The following BMPR1B variants were observed in gnomAD, a reference collection of about 807,000 sequenced individuals.
BMPR1B encodes the protein bone morphogenetic protein receptor type-1B.
Under a neutral mutation model 59.1 loss-of-function variants are expected in BMPR1B, and 12 were observed. The observed-to-expected ratio is 0.20, with a 90% CI of 0.13 to 0.33. The LOEUF is 0.33. Ranked by LOEUF, BMPR1B falls within the 10% of genes least tolerant of loss-of-function variation. BMPR1B has a pLI of 1.00. For missense variants in BMPR1B, 550 were observed against 610.9 expected, an observed-to-expected ratio of 0.90 and a Z score of 1.05; for synonymous variants, 237 against 207.3, an observed-to-expected ratio of 1.14 and a Z score of -1.23.
chr4:95,040,282 C>T lies in BMPR1B; in HGVS notation c.-18+44148C>T, dbSNP rs1350757957. Reference sequence around the variant, plus strand: ...TGGAGAAACAGCTTAAGCAAACATTCTTTAAGGGTTTAGATAAGAGTGATA... The same window carrying T: ...TGGAGAAACAGCTTAAGCAAACATTTTTTAAGGGTTTAGATAAGAGTGATA... On this transcript the variant is annotated intron_variant, in intron 3 of 12. Coordinates refer to ENST00000515059, the MANE Select transcript of BMPR1B (RefSeq NM_001203.3). Among the ~76,000 whole-genome samples the T allele has an allele frequency of 2.6e-5, 4 of 152,116 alleles. No homozygotes were observed. The South Asian group carries it at 8.3e-4, about 32-fold the overall frequency.
intron 1 of BMPR1B, among the ~76,000 whole-genome samples, chr4:94,788,288 A>G (rs1303483272): frequency 2.6e-5 from 4 of 152,190 alleles, no homozygotes; most frequent in African/African-American, 9.6e-5. Flanking sequence ...AAGCATTGGT[A>G]GACCAATGAA....
At chr4:95,124,801 G>T (rs543170730) in intron 7 of BMPR1B, among the ~76,000 whole-genome samples, 182 bp from the exon 8 acceptor site, 3 of 152,136 alleles carry the variant, frequency 2.0e-5, no homozygotes, top group African/African-American at 4.8e-5. Flanking sequence ...TAAAAAATAG[G>T]TTAGCCAAAC....
At chr4:94,968,140 C>T (rs536148695) in intron 2 of BMPR1B, among the ~76,000 whole-genome samples, 9 of 152,248 alleles carry the variant, frequency 5.9e-5, no homozygotes, top group African/African-American at 2.2e-4. Context: ...TCTCTCCAGA[C>T]ATCATTACTT....
At chr4:95,069,725 C>T (rs1728131907) in intron 3 of BMPR1B, among the ~76,000 whole-genome samples, 1 of 152,086 alleles carries the variant, frequency 6.6e-6, no homozygotes. Context: ...CTGCTATGTC[C>T]TTGGGCCTAG....
At chr4:94,766,243 AT>A (rs1343322777) in intron 1 of BMPR1B, among the ~76,000 whole-genome samples, 6 of 152,026 alleles carry the variant, frequency 3.9e-5, no homozygotes, top group Non-Finnish European at 5.9e-5. Context: ...TGTGTATATC[AT>A]TGGATTTATG....
chr4:94,963,967 T>C (rs1300155226), intron 2 of BMPR1B, among the ~76,000 whole-genome samples: 1 of 152,152 alleles, frequency 6.6e-6, no homozygotes, highest in East Asian at 1.9e-4. Context: ...TCCATGAACA[T>C]GGAATATCTT....
At chr4:95,006,388 A>T (rs1722833868) in intron 3 of BMPR1B, among the ~76,000 whole-genome samples, 1 of 151,490 alleles carries the variant, frequency 6.6e-6, no homozygotes, top group Non-Finnish European at 1.5e-5. Context: ...AAAAAAAAAA[A>T]AAGTTTTATT....
intron 3 of BMPR1B, among the ~76,000 whole-genome samples, chr4:95,083,037 CAAAAAAAAAAAA>C (rs1171888403): frequency 3.3e-5 from 2 of 60,642 alleles, no homozygotes; most frequent in African/African-American, 1.4e-4. Flanking sequence ...TACTCTGTCT[CAAAAAAAAAAAA>C]AAAAAAAAAA....
chr4:94,867,600 TTC>T (rs1192418275), intron 1 of BMPR1B, among the ~76,000 whole-genome samples: 1 of 152,188 alleles, frequency 6.6e-6, no homozygotes, highest in African/African-American at 2.4e-5. Flanking sequence ...CTAATTTTGA[TTC>T]TCTCTGTTTT....
chr4:94,991,405 CT>C (rs1430706505), intron 2 of BMPR1B, among the ~76,000 whole-genome samples: 8 of 152,282 alleles, frequency 5.3e-5, no homozygotes, highest in African/African-American at 1.9e-4. Flanking sequence ...AGTTTAGGGA[CT>C]TGAAGTCTAT....
intron 3 of BMPR1B, among the ~76,000 whole-genome samples, chr4:95,032,247 CTG>C (rs1724920591): frequency 6.6e-6 from 1 of 151,980 alleles, no homozygotes. Context: ...CCTCACATGA[CTG>C]GGGGAGAGAG....
At chr4:95,137,188 G>C (rs557182507) in intron 10 of BMPR1B, among the ~76,000 whole-genome samples, 1 of 152,298 alleles carries the variant, frequency 6.6e-6, no homozygotes, top group Admixed American at 6.5e-5. Flanking sequence ...TCATTCAGGA[G>C]CAGGTTCAGT....
intron 1 of BMPR1B, among the ~76,000 whole-genome samples, chr4:94,840,747 C>G (rs1307982139): frequency 6.7e-6 from 1 of 148,380 alleles, no homozygotes; most frequent in Non-Finnish European, 1.5e-5. Flanking sequence ...TCGTCTGAAG[C>G]CTTCTTCTCT....
intron 1 of BMPR1B, among the ~76,000 whole-genome samples, chr4:94,822,204 C>T (rs547586699): frequency 1.3e-5 from 2 of 152,166 alleles, no homozygotes; most frequent in Non-Finnish European, 2.9e-5. Context: ...GCATTAATCC[C>T]ACCAATGAAG....
intron 2 of BMPR1B, among the ~76,000 whole-genome samples, chr4:94,944,845 G>A (rs1051844703): frequency 2.7e-4 from 41 of 152,212 alleles, no homozygotes; most frequent in African/African-American, 8.9e-4. Context: ...TGACTGTATG[G>A]GACACATAAT....
At chr4:94,875,999 A>G (rs1339152543) in intron 2 of BMPR1B, 99 bp downstream of exon 2, 1 of 152,644 alleles carries the variant, frequency 6.6e-6, no homozygotes, top group African/African-American at 2.4e-5. Context: ...GTTAACAGAA[A>G]GATAATACAT....
At chr4:95,073,339 G>A (rs1344450679) in intron 3 of BMPR1B, among the ~76,000 whole-genome samples, 5 of 152,138 alleles carry the variant, frequency 3.3e-5, no homozygotes, top group Non-Finnish European at 7.4e-5. Flanking sequence ...AAGTTTGTCT[G>A]TGTGATATTA....
intron 1 of BMPR1B, among the ~76,000 whole-genome samples, chr4:94,778,943 C>A (rs1272664301): frequency 6.6e-6 from 1 of 151,992 alleles, no homozygotes; most frequent in African/African-American, 2.4e-5. Context: ...TAGTTAAATG[C>A]ATTGCAGACA....
intron 1 of BMPR1B, among the ~76,000 whole-genome samples, chr4:94,787,116 C>A (rs1722792225): frequency 1.3e-5 from 2 of 152,178 alleles, no homozygotes; most frequent in South Asian, 2.1e-4. Flanking sequence ...TGTAGGAGAC[C>A]AGTTGCCGCC....
Sources: allele counts gnomAD v4.1 joint callset (sites outside exome capture counted in the v4.1 genomes callset), GRCh38; gene constraint gnomAD v4.1.1; transcripts MANE v1.5; gene names NCBI Gene and HGNC (gene_info 2026-07-23, HGNC 2026-07-21).